ZNF529: variants seen among roughly 807,000 people sequenced by gnomAD.
ZNF529 encodes zinc finger protein 529.
ZNF529 carries 11 observed loss-of-function variants against 10.1 expected under a neutral mutation model. The ratio of observed to expected loss-of-function variants is 1.09; its 90% CI spans 0.69 to 1.81. The LOEUF (loss-of-function observed/expected upper bound fraction) is 1.81, where lower values mean the gene tolerates loss of function less well. Among genes scored for constraint, ZNF529 ranks in the 40% most tolerant of loss-of-function variants. The probability of loss-of-function intolerance (pLI) is 0.00; values close to 1 mark genes in which losing one functional copy is unlikely to be tolerated. For synonymous variants in ZNF529, 204 were observed against 215.7 expected, an observed-to-expected ratio of 0.95 and a Z score of 0.47; for missense variants, 624 against 666.8, an observed-to-expected ratio of 0.94 and a Z score of 0.71.
At chr19:36,574,830 A>C (rs2912406), upstream of ZNF529, 140,135 of 470,962 alleles carry the variant, frequency 0.3, 22,363 homozygotes, top group African/African-American at 0.48. Context: ...GGTTTTATAC[A>C]TTACGAATAA....
chr19:36,573,410 C>G, upstream of ZNF529: 1 of 467,998 alleles, frequency 2.1e-6, no homozygotes, highest in South Asian at 1.6e-5. Flanking sequence ...CCGCAGGGGC[C>G]GCACCACGCC....
intron 1 of ZNF529, among the ~76,000 whole-genome samples, chr19:36,592,875 A>C (rs1422444948): frequency 6.6e-6 from 1 of 152,196 alleles, no homozygotes; most frequent in Non-Finnish European, 1.5e-5. Flanking sequence ...ACTTTAGTAT[A>C]TAAAAAATTA....
chr19:36,599,862 ATTCT>A (rs2145294187), intron 1 of ZNF529, among the ~76,000 whole-genome samples: 1 of 151,478 alleles, frequency 6.6e-6, no homozygotes, highest in Non-Finnish European at 1.5e-5. Context: ...AGTCTTGCAC[ATTCT>A]TTTTTTTTTT....
At position 36,547,457 on chromosome 19, in the gene ZNF529, T is replaced by C. The variant is rs769047108; in HGVS notation, c.1101A>G (p.Ala367=). The C allele has an allele frequency of 1.2e-6, 2 of 1,613,908 alleles. No individual in the cohort carries two copies. Among genetic ancestry groups the C allele is most frequent in the East Asian group, 2.2e-5 (1 of 44,866 alleles). Residue 367 remains alanine, a synonymous_variant, in exon 5 of 5, where the codon GCA becomes GCG. Coordinates refer to ENST00000591340, the MANE Select transcript of ZNF529 (RefSeq NM_020951.5). ...CAAAAGCCTTCCCACATTCCTTACATGCATAAGGTTTCTCACCAGTGTGAA... is the reference window on the plus strand; with the variant it reads ...CAAAAGCCTTCCCACATTCCTTACACGCATAAGGTTTCTCACCAGTGTGAA... The part of the protein sequence containing the change: ...QRIHTGEKPY[A]CKECGKAFGV...
chr19:36,548,704 T>A (rs920311351), intron 4 of ZNF529, among the ~76,000 whole-genome samples: 5 of 152,214 alleles, frequency 3.3e-5, no homozygotes, highest in African/African-American at 1.2e-4. Context: ...TTACCGAGGA[T>A]AATAACAAGG....
chr19:36,582,001 C>T (rs937971322), intron 2 of ZNF529: 1 of 152,194 alleles, frequency 6.6e-6, no homozygotes, highest in East Asian at 1.9e-4. Flanking sequence ...TCTAATAAGC[C>T]AATCACAAAA....
intron 4 of ZNF529, among the ~76,000 whole-genome samples, chr19:36,549,753 C>T (rs894632139): frequency 7.9e-5 from 12 of 152,268 alleles, no homozygotes; most frequent in Middle Eastern, 3.4e-3. Flanking sequence ...ACATTTACTC[C>T]GCCGTCCTCC....
intron 1 of ZNF529, among the ~76,000 whole-genome samples, chr19:36,598,735 C>A (rs1012902824): frequency 2.7e-4 from 41 of 152,184 alleles, no homozygotes; most frequent in African/African-American, 9.9e-4. Flanking sequence ...AAAAAACTAA[C>A]AACAAATCAC....
At chr19:36,581,410 A>T (rs1332486438) in intron 2 of ZNF529, 1 of 152,258 alleles carries the variant, frequency 6.6e-6, no homozygotes. Context: ...AAGTACTTAA[A>T]TAAAAAAAGG....
intron 2 of ZNF529, among the ~76,000 whole-genome samples, chr19:36,588,600 C>T (rs1158981910): frequency 6.6e-6 from 1 of 152,014 alleles, no homozygotes; most frequent in African/African-American, 2.4e-5. Flanking sequence ...TACTGATGAC[C>T]CCCAGCACTG....
chr19:36,570,858 A>G (rs1468638278), intron 2 of ZNF529, among the ~76,000 whole-genome samples: 1 of 152,188 alleles, frequency 6.6e-6, no homozygotes, highest in African/African-American at 2.4e-5. Flanking sequence ...TAAGGACTTA[A>G]AGTGCCAGGC....
At chr19:36,561,602 C>G (rs543290731) in intron 2 of ZNF529, among the ~76,000 whole-genome samples, 133 of 152,230 alleles carry the variant, frequency 8.7e-4, no homozygotes, top group Non-Finnish European at 1.4e-3. Context: ...GACAGTCCCC[C>G]CTAGGGCATT....
At position 36,547,579 on chromosome 19, in the gene ZNF529, C is replaced by T. The variant is rs763943897; in HGVS notation, c.979G>A (p.Glu327Lys). The T allele has an allele frequency of 1.7e-5, 27 of 1,613,628 alleles. No individual in the cohort carries two copies. Among genetic ancestry groups the T allele is most frequent in the South Asian group, 3.3e-5 (3 of 91,052 alleles). Reference sequence around the variant, plus strand: ...TCACCAGTATGAATTCTCTGATGTTCGGTAAGCTGTGAATGAAATCTGAAG... The same window carrying T: ...TCACCAGTATGAATTCTCTGATGTTTGGTAAGCTGTGAATGAAATCTGAAG... ...KDFRFHSQLT[E>K]HQRIHTGEKP... is the part of the protein sequence containing the mutation. The change falls in exon 5 of 5, where the codon GAA becomes AAA. Residue 327 changes from glutamate to lysine, a missense_variant. By Grantham distance (56) the Glu-to-Lys change is moderately conservative. Transcript: ENST00000591340.
chr19:36,571,038 T>A (rs1352627918), intron 2 of ZNF529, among the ~76,000 whole-genome samples: 1 of 152,212 alleles, frequency 6.6e-6, no homozygotes, highest in East Asian at 1.9e-4. Flanking sequence ...AACTGAATTT[T>A]AAATTTTTTT....
At chr19:36,573,730 A>G (rs1476816413), upstream of ZNF529, among the ~76,000 whole-genome samples, 1 of 152,088 alleles carries the variant, frequency 6.6e-6, no homozygotes, top group Admixed American at 6.5e-5. Flanking sequence ...GGAAACCCGG[A>G]CCCCAGGCTG....
chr19:36,569,451 A>G (rs2036015585), intron 2 of ZNF529, among the ~76,000 whole-genome samples: 1 of 152,192 alleles, frequency 6.6e-6, no homozygotes, highest in Admixed American at 6.5e-5. Flanking sequence ...GTGAGATATC[A>G]ACAAAGAGAA....
At chr19:36,584,926 G>T (rs1407099661) in intron 2 of ZNF529, among the ~76,000 whole-genome samples, 1 of 152,146 alleles carries the variant, frequency 6.6e-6, no homozygotes, top group Non-Finnish European at 1.5e-5. Context: ...CAGTGCAGGG[G>T]AAAGTAGAAT....
intron 1 of ZNF529, among the ~76,000 whole-genome samples, chr19:36,599,263 A>G (rs2036887305): frequency 6.6e-6 from 1 of 152,226 alleles, no homozygotes; most frequent in Admixed American, 6.5e-5. Flanking sequence ...ACAAATACAT[A>G]CATACATATA....
intron 1 of ZNF529, chr19:36,589,727 T>C (rs763712427): frequency 4.0e-5 from 6 of 151,318 alleles, no homozygotes; most frequent in Non-Finnish European, 8.8e-5. Context: ...AGACAAAAAA[T>C]ATCAGTGAAG....
Sources: allele counts gnomAD v4.1 joint callset (sites outside exome capture counted in the v4.1 genomes callset), GRCh38; gene constraint gnomAD v4.1.1; transcripts MANE v1.5; gene names NCBI Gene and HGNC (gene_info 2026-07-23, HGNC 2026-07-21).